Variants in PNPT1 observed in about 807,000 individuals in gnomAD.
PNPT1 encodes the protein polyribonucleotide nucleotidyltransferase 1, mitochondrial.
A neutral mutation model predicts 119.5 loss-of-function variants in PNPT1; 53 were observed. The ratio of observed to expected loss-of-function variants is 0.44; its 90% CI spans 0.36 to 0.56. The LOEUF (loss-of-function observed/expected upper bound fraction) is 0.56. PNPT1 is among the 20% of genes least tolerant of loss of function. PNPT1 has a pLI of 0.00. For synonymous variants in PNPT1, 357 were observed against 322.1 expected (o/e 1.11, Z -1.16); for missense variants, 948 against 938.5 (o/e 1.01, Z -0.13).
chr2:55,651,692 T>C (rs1251420301), intron 18 of PNPT1, among the ~76,000 whole-genome samples: 9 of 150,276 alleles, frequency 6.0e-5, no homozygotes, highest in African/African-American at 2.0e-4. Flanking sequence ...TTCACTTGTT[T>C]ATCTGCTGAC....
At chr2:55,660,580 C>T (rs1314086544) in intron 14 of PNPT1, among the ~76,000 whole-genome samples, 3 of 152,102 alleles carry the variant, frequency 2.0e-5, no homozygotes, top group Non-Finnish European at 4.4e-5. Context: ...AAGAAAAAGT[C>T]CTGGGATGGG....
chr2:55,643,003 A>T (rs572911787), intron 25 of PNPT1, among the ~76,000 whole-genome samples, 155 bp downstream of exon 25: 1 of 152,246 alleles, frequency 6.6e-6, no homozygotes, highest in Non-Finnish European at 1.5e-5. Flanking sequence ...TTGTAGTCCT[A>T]AATAGGAGGC....
chr2:55,663,606 G>A (rs1007412512), intron 13 of PNPT1, among the ~76,000 whole-genome samples: 1 of 152,032 alleles, frequency 6.6e-6, no homozygotes, highest in African/African-American at 2.4e-5. Context: ...AATCTTGAAA[G>A]CACCCACATG....
At chr2:55,645,808 C>T (rs1695979056) in intron 21 of PNPT1, among the ~76,000 whole-genome samples, 1 of 150,284 alleles carries the variant, frequency 6.7e-6, no homozygotes, top group Non-Finnish European at 1.5e-5. Flanking sequence ...TAGGATGAGC[C>T]ACCATGCCAT....
intron 13 of PNPT1, among the ~76,000 whole-genome samples, chr2:55,663,968 G>A (rs1340867721): frequency 1.3e-5 from 2 of 152,008 alleles, no homozygotes; most frequent in Admixed American, 6.6e-5. Context: ...CAGCCTGGGC[G>A]ACAGAAGGAG....
In PNPT1 at chr2:55,636,153, A is replaced by C; in HGVS notation, c.*84T>G. The C allele has an allele frequency of 1.1e-6, 1 of 947,832 alleles. No individual in the cohort carries two copies. The highest frequency in any genetic ancestry group is 2.6e-5 in the East Asian group (1 of 37,826). The allele number at this position is 947,832 out of a possible 1,614,324, so 58.7% of individuals were successfully genotyped here. On this transcript the variant is annotated 3_prime_UTR_variant, in exon 28 of 28. Transcript: ENST00000447944. Reference sequence around the variant, plus strand: ...ATTTATATTATATAGAAATCTACACAATGGAAGATACTACTAAAATGTTGC... The same window carrying C: ...ATTTATATTATATAGAAATCTACACCATGGAAGATACTACTAAAATGTTGC...
At chr2:55,662,993 A>C (rs59402642) in intron 13 of PNPT1, among the ~76,000 whole-genome samples, 2 of 151,460 alleles carry the variant, frequency 1.3e-5, no homozygotes, top group Non-Finnish European at 2.9e-5. Context: ...CGATTCTCCT[A>C]CCTCAGCCTC....
chr2:55,660,196 A>G lies in PNPT1; in HGVS notation c.1248-3T>C. ...TGAAATTTTTATCTTTTATCCCACT[A>G]AAAATAAAAGGCATAATATTAAAAA... On this transcript the variant is annotated splice_polypyrimidine_tract_variant and splice_region_variant and intron_variant, in intron 14 of 27. Transcript: ENST00000447944. 1 of 1,587,986 alleles carries G rather than the reference A, an allele frequency of 6.3e-7. No individual in the cohort carries two copies. Among genetic ancestry groups the G allele is most frequent in the Non-Finnish European group, 8.6e-7 (1 of 1,167,468 alleles).
intron 1 of PNPT1, among the ~76,000 whole-genome samples, chr2:55,691,870 ATATATATATTTTTTTTTTTT>A (rs1390769714): frequency 0.016 from 200 of 12,280 alleles, 3 homozygotes; most frequent in Admixed American, 0.023. Context: ...ATATATATAT[ATATATATATTTTTTTTTTTT>A]TTTTTTTTTT....
chr2:55,676,555 T>C (rs1480193566), intron 8 of PNPT1, among the ~76,000 whole-genome samples: 1 of 151,790 alleles, frequency 6.6e-6, no homozygotes, highest in Non-Finnish European at 1.5e-5. Flanking sequence ...CCGTGTAAGA[T>C]TATACTCTAA....
At chr2:55,675,578 T>C (rs1037488866) in intron 8 of PNPT1, among the ~76,000 whole-genome samples, 1 of 152,008 alleles carries the variant, frequency 6.6e-6, no homozygotes, top group Non-Finnish European at 1.5e-5. Context: ...TGTGCCTGGA[T>C]TCCCAGCTAC....
chr2:55,667,201 C>A, intron 12 of PNPT1, 108 bp from the exon 13 acceptor site: 3 of 733,140 alleles, frequency 4.1e-6, no homozygotes, highest in East Asian at 2.7e-5. Flanking sequence ...ATCATAATCC[C>A]CTGTGGAACT....
At chr2:55,663,742 G>A (rs1180073490) in intron 13 of PNPT1, among the ~76,000 whole-genome samples, 3 of 152,136 alleles carry the variant, frequency 2.0e-5, no homozygotes, top group Non-Finnish European at 4.4e-5. Flanking sequence ...ACTTTAGGAG[G>A]CTGAGGCAGG....
chr2:55,649,166 C>CA lies in PNPT1; in HGVS notation c.1496-1714dup, dbSNP rs1429003697. Among the ~76,000 whole-genome samples the CA allele has an allele frequency of 3.3e-5, 5 of 152,282 alleles. No individual in the cohort carries two copies. The East Asian group carries it at 9.6e-4, about 29-fold the overall frequency. On this transcript the variant is annotated intron_variant, in intron 18 of 27. Coordinates refer to ENST00000447944, the MANE Select transcript of PNPT1 (RefSeq NM_033109.5). ...TATATATTCAAAATTGAGCCAGGCC[C>CA]AGTGGCTCATGCTTGTAATCCCAAC...
chr2:55,683,217 C>G lies in PNPT1; in HGVS notation c.453+568G>C, dbSNP rs139815779. The stretch of plus-strand genomic sequence containing the variant: ...TTAAACTCATTAATTTCTTTCCTGC[C>G]TCTGGGCTTTCAATGCTTCCCTGAC... On this transcript the variant is annotated intron_variant, in intron 5 of 27. Transcript: ENST00000447944. Among the ~76,000 whole-genome samples, 1,105 of 152,250 alleles carry G rather than the reference C, an allele frequency of 7.3e-3. 7 individuals are homozygous for G. Among genetic ancestry groups the G allele is most frequent in the Non-Finnish European group, 0.011 (741 of 68,028 alleles).
chr2:55,637,617 A>C lies in PNPT1; in HGVS notation c.2149-18T>G. The C allele has an allele frequency of 6.3e-7, 1 of 1,579,104 alleles. No homozygotes were observed. The highest frequency in any genetic ancestry group is 8.7e-7 in the Non-Finnish European group (1 of 1,148,516). On this transcript the variant is annotated intron_variant, in intron 26 of 27. Transcript: ENST00000447944. ...TGTTTAATCTGGAAAAAAAAATGTT[A>C]ATCTATTAGTTGTTGTGCATAATTA...
chr2:55,691,137 A>C (rs532811068), intron 1 of PNPT1, among the ~76,000 whole-genome samples: 1 of 152,338 alleles, frequency 6.6e-6, no homozygotes, highest in East Asian at 1.9e-4. Flanking sequence ...AAACACAGGG[A>C]AGAAAAACTG....
In PNPT1 at chr2:55,691,247, A is replaced by G. The variant is rs180883748; in HGVS notation, c.161+2416T>C. On this transcript the variant is annotated intron_variant, in intron 1 of 27. Coordinates refer to ENST00000447944, the MANE Select transcript of PNPT1 (RefSeq NM_033109.5). ...TATCCTCAGTGATTTGATACATAGT[A>G]GATGCTCAATAAAAGCTTGCTGAAA... is the stretch of plus-strand genomic sequence containing the variant. 1.8e-3 allele frequency among the ~76,000 whole-genome samples: 275 copies of G among 152,362 alleles called. 1 individual carries two copies. The highest frequency in any genetic ancestry group is 3.4e-3 in the Middle Eastern group (1 of 294).
chr2:55,689,799 C>T (rs1048587300), intron 1 of PNPT1, among the ~76,000 whole-genome samples: 2 of 152,048 alleles, frequency 1.3e-5, no homozygotes, highest in Admixed American at 1.3e-4. Flanking sequence ...TACTAATATC[C>T]ATTGAACTGT....
Sources: allele counts gnomAD v4.1 joint callset (sites outside exome capture counted in the v4.1 genomes callset), GRCh38; gene constraint gnomAD v4.1.1; transcripts MANE v1.5; gene names NCBI Gene and HGNC (gene_info 2026-07-23, HGNC 2026-07-21).